TG: variants seen among roughly 807,000 people sequenced by gnomAD.
The protein encoded by TG is thyroid hormones.
In TG, 270 loss-of-function variants were observed where a neutral mutation model predicts 324.7. The observed-to-expected ratio is 0.83, with a 90% CI of 0.75 to 0.92. TG has a LOEUF of 0.92. Ranked by LOEUF, TG falls within the 40% of genes least tolerant of loss-of-function variation. The pLI, the probability that TG is intolerant of heterozygous loss-of-function variation, is 0.00. For synonymous variants in TG, 1,401 were observed against 1,327.0 expected (o/e 1.06, Z -1.21); for missense variants, 3,591 against 3,456.4 (o/e 1.04, Z -0.98).
intron 18 of TG, 126 bp from the exon 19 acceptor site, chr8:132,911,251 C>T (rs1819478551): frequency 6.4e-7 from 1 of 1,559,048 alleles, no homozygotes; most frequent in Non-Finnish European, 8.8e-7. Context: ...TCCTTGACCC[C>T]CTGAAGTAGG....
rs755456063 is a variant in TG at position 132,967,801 on chromosome 8, G to A, written c.5694G>A (p.Val1898=). 3.7e-6 allele frequency: 6 copies of A among 1,613,608 alleles called. No individual in the cohort carries two copies. The African/African-American group carries it at 8.0e-5, about 22-fold the overall frequency. The change falls in exon 31 of 48, where the codon GTG becomes GTA. Residue 1898 remains valine (V), a synonymous_variant. Coordinates refer to ENST00000220616, the MANE Select transcript of TG (RefSeq NM_003235.5). Reference sequence around the variant, plus strand: ...CTACTCTCTTGCCTGTAGGTTGTGTGCAGGAGCACTCTTTCTGTCAGCTCG... The same window carrying A: ...CTACTCTCTTGCCTGTAGGTTGTGTACAGGAGCACTCTTTCTGTCAGCTCG... ...QANLWCLSRC[V]QEHSFCQLAE... is the part of the protein sequence containing the mutation.
chr8:132,869,698 C>A, intron 2 of TG, 31 bp from the exon 3 acceptor site: 2 of 1,604,118 alleles, frequency 1.2e-6, no homozygotes, highest in Non-Finnish European at 1.7e-6. Context: ...GGGCCCATCC[C>A]AGGGTCACCT....
At chr8:132,878,234 G>A (rs547833840) in intron 5 of TG, among the ~76,000 whole-genome samples, 1 of 152,216 alleles carries the variant, frequency 6.6e-6, no homozygotes, top group South Asian at 2.1e-4. Flanking sequence ...CTCATGAAGG[G>A]GGGAACACTG....
intron 45 of TG, among the ~76,000 whole-genome samples, chr8:133,122,098 G>C (rs1851188968): frequency 6.6e-6 from 1 of 151,988 alleles, no homozygotes; most frequent in Admixed American, 6.6e-5. Flanking sequence ...GCATATATTA[G>C]CTTTCCTGGC....
intron 41 of TG, among the ~76,000 whole-genome samples, chr8:133,044,464 A>G (rs1838920589): frequency 1.3e-5 from 2 of 152,182 alleles, no homozygotes; most frequent in Non-Finnish European, 2.9e-5. Context: ...ACAGCCTAGC[A>G]CACAATTAAC....
intron 41 of TG, among the ~76,000 whole-genome samples, chr8:133,073,693 A>G (rs1844425678): frequency 6.6e-6 from 1 of 152,086 alleles, no homozygotes; most frequent in African/African-American, 2.4e-5. Flanking sequence ...CAATTTAAAG[A>G]CTATGGGGTG....
At chr8:132,924,995 C>T (rs1023406338) in intron 22 of TG, among the ~76,000 whole-genome samples, 5 of 152,164 alleles carry the variant, frequency 3.3e-5, no homozygotes, top group African/African-American at 1.2e-4. Flanking sequence ...CCACCTGCCT[C>T]TGCTTGAGGT....
At chr8:132,893,544 A>AG (rs1289879353) in intron 10 of TG, 146 bp from the exon 11 acceptor site, 1 of 812,234 alleles carries the variant, frequency 1.2e-6, no homozygotes, top group Non-Finnish European at 1.8e-6. Flanking sequence ...TGTGTGGTGT[A>AG]GGGGGGTGGT....
chr8:132,944,821 A>G (rs1176762035), intron 26 of TG, among the ~76,000 whole-genome samples: 2 of 152,254 alleles, frequency 1.3e-5, no homozygotes, highest in Non-Finnish European at 2.9e-5. Context: ...ACTTTCCGAA[A>G]TCTTGAATCA....
intron 35 of TG, among the ~76,000 whole-genome samples, chr8:133,003,699 C>T (rs1322259023): frequency 6.6e-6 from 1 of 152,202 alleles, no homozygotes; most frequent in African/African-American, 2.4e-5. Context: ...GAGACTGCAG[C>T]TGTGCTGCCT....
chr8:132,994,954 G>T, intron 35 of TG: 1 of 1,071,202 alleles, frequency 9.3e-7, no homozygotes, highest in Non-Finnish European at 1.1e-6. Flanking sequence ...AGAGGGGTTG[G>T]CTTAAATGTC....
At chr8:132,938,031 C>T (rs555715900) in intron 25 of TG, among the ~76,000 whole-genome samples, 2 of 152,198 alleles carry the variant, frequency 1.3e-5, no homozygotes, top group East Asian at 3.9e-4. Flanking sequence ...GTCTGGCTTC[C>T]AACTCCCGCC....
chr8:132,891,889 A>G (rs1430233756), intron 10 of TG, among the ~76,000 whole-genome samples: 1 of 152,218 alleles, frequency 6.6e-6, no homozygotes, highest in Non-Finnish European at 1.5e-5. Context: ...TGTTGAATTC[A>G]CAATGTGATG....
In TG at chr8:132,948,812, T is replaced by A; in HGVS notation, c.5270T>A (p.Val1757Asp). The A allele has an allele frequency of 2.5e-6, 4 of 1,614,110 alleles. No individual in the cohort carries two copies. Among genetic ancestry groups the A allele is most frequent in the Non-Finnish European group, 3.4e-6 (4 of 1,180,042 alleles). The change falls in exon 27 of 48, where the codon GTC becomes GAC. Residue 1757 changes from valine (V) to aspartate (D), a missense_variant. Coordinates refer to ENST00000220616, the MANE Select transcript of TG (RefSeq NM_003235.5). ...TGTGGGTTGCTGAGCTCACCCAGTGTCCTGCTTTGTAATGTCAAAGACTGG... is the reference window on the plus strand; with the variant it reads ...TGTGGGTTGCTGAGCTCACCCAGTGACCTGCTTTGTAATGTCAAAGACTGG... ...IICGLLSSPS[V>D]LLCNVKDWMD...
intron 11 of TG, among the ~76,000 whole-genome samples, chr8:132,894,207 C>A (rs1003905520): frequency 6.6e-6 from 1 of 152,092 alleles, no homozygotes; most frequent in Non-Finnish European, 1.5e-5. Flanking sequence ...TGTTAAAATG[C>A]GAGGGACCCA....
intron 43 of TG, chr8:133,102,523 G>T (rs752438805): frequency 1.5e-5 from 23 of 1,550,442 alleles, no homozygotes; most frequent in Middle Eastern, 3.3e-4. Flanking sequence ...CACCCAGGGG[G>T]TCCCAATGAC....
rs535878901 is a variant in TG, at chr8:132,940,125, C to T, written c.5042-1226C>T. ...CCTCAGATCTGTTTGATCTGAAGCT[C>T]GTGCTCTTGGGTCTCACACTGAAAA... On this transcript the variant is annotated intron_variant, in intron 25 of 47. Coordinates refer to ENST00000220616, the MANE Select transcript of TG (RefSeq NM_003235.5). Among the ~76,000 whole-genome samples, 4 of 152,218 alleles carry T rather than the reference C, an allele frequency of 2.6e-5. No individual in the cohort carries two copies. The South Asian group carries it at 6.2e-4, about 24-fold the overall frequency.
chr8:133,127,834 T>C (rs1851637407), intron 45 of TG, among the ~76,000 whole-genome samples: 1 of 152,068 alleles, frequency 6.6e-6, no homozygotes, highest in African/African-American at 2.4e-5. Context: ...CCATACCCCT[T>C]GTCATTCCTT....
intron 25 of TG, among the ~76,000 whole-genome samples, chr8:132,940,106 A>G (rs899988637): frequency 1.3e-5 from 2 of 152,124 alleles, no homozygotes; most frequent in Non-Finnish European, 2.9e-5. Context: ...GTGACCTCAG[A>G]TCTGTTTGAT....
Sources: gnomAD v4.1 joint callset for allele counts (sites outside exome capture counted in the v4.1 genomes callset) on GRCh38, gnomAD v4.1.1 for gene constraint, MANE v1.5 for transcripts, NCBI Gene and HGNC (gene_info 2026-07-23, HGNC 2026-07-21) for gene names.